Variants in HHLA2 observed in about 807,000 individuals in gnomAD.
HHLA2 encodes HERV-H LTR-associating protein 2.
In HHLA2, 48 loss-of-function variants were observed where a neutral mutation model predicts 45.9. That is an observed-to-expected ratio of 1.05 (90% CI 0.83 to 1.33). The LOEUF is 1.33. Ranked by LOEUF, HHLA2 falls within the 40% of genes most tolerant of loss-of-function variation. The probability of loss-of-function intolerance (pLI) is 0.00; values close to 1 mark genes in which losing one functional copy is unlikely to be tolerated. For synonymous variants in HHLA2, 161 were observed against 173.9 expected, an observed-to-expected ratio of 0.93 and a Z score of 0.59; for missense variants, 462 against 494.3, an observed-to-expected ratio of 0.93 and a Z score of 0.62.
At chr3:108,375,663 G>T in intron 8 of HHLA2, 87 bp from the exon 8 acceptor site, 1 of 1,501,282 alleles carries the variant, frequency 6.7e-7, no homozygotes, top group South Asian at 1.2e-5. Flanking sequence ...TTCAATTGAA[G>T]GACAGAGCCA....
At chr3:108,333,801 G>A (rs1225537054) in intron 3 of HHLA2, among the ~76,000 whole-genome samples, 1 of 152,090 alleles carries the variant, frequency 6.6e-6, no homozygotes, top group Non-Finnish European at 1.5e-5. Flanking sequence ...GGCCTGATGA[G>A]TGCAAACCAT....
chr3:108,304,685 C>T (rs540944491), intron 1 of HHLA2, among the ~76,000 whole-genome samples: 1 of 152,314 alleles, frequency 6.6e-6, no homozygotes, highest in South Asian at 2.1e-4. Context: ...CACAAATCTA[C>T]TGTGTCTGAG....
intron 2 of HHLA2, among the ~76,000 whole-genome samples, chr3:108,312,459 C>T (rs993468035): frequency 6.6e-6 from 1 of 152,204 alleles, no homozygotes; most frequent in Non-Finnish European, 1.5e-5. Context: ...GGCAGGTGCA[C>T]CCAAACTCCA....
chr3:108,366,904 A>C (rs970396683), intron 8 of HHLA2, among the ~76,000 whole-genome samples: 1 of 151,766 alleles, frequency 6.6e-6, no homozygotes, highest in African/African-American at 2.4e-5. Flanking sequence ...TATTTTGTTA[A>C]TCTTTTCAAA....
chr3:108,308,041 T>A (rs1006479503), intron 1 of HHLA2, among the ~76,000 whole-genome samples: 25 of 152,210 alleles, frequency 1.6e-4, no homozygotes, highest in Admixed American at 5.2e-4. Flanking sequence ...AAAATTATTT[T>A]AAAATGTGCA....
intron 6 of HHLA2, among the ~76,000 whole-genome samples, chr3:108,357,005 A>C (rs182174819): frequency 6.6e-6 from 1 of 152,250 alleles, no homozygotes; most frequent in African/African-American, 2.4e-5. Flanking sequence ...CAATGGATCA[A>C]GAGATGAACC....
At position 108,362,325 on chromosome 3, in the gene HHLA2, C is replaced by CT; in HGVS notation, c.1004-16dup. 1 of 1,567,096 alleles carries CT rather than the reference C, an allele frequency of 6.4e-7. No individual in the cohort carries two copies. Among genetic ancestry groups the CT allele is most frequent in the Non-Finnish European group, 8.7e-7 (1 of 1,144,506 alleles). The stretch of plus-strand genomic sequence containing the variant: ...TTCTTCCAGTTCACAGACTTTGTTT[C>CT]TCCTTTTTTTTTTTAGAACCGAGCC... On this transcript the variant is annotated splice_polypyrimidine_tract_variant and intron_variant, in intron 7 of 10. Coordinates refer to ENST00000619531, the Ensembl canonical transcript of HHLA2.
At chr3:108,340,947 CCTTT>C (rs71629349) in intron 3 of HHLA2, among the ~76,000 whole-genome samples, 4,621 of 104,946 alleles carry the variant, frequency 0.044, 108 homozygotes, top group East Asian at 0.092. Flanking sequence ...TTCCTTCCTT[CCTTT>C]CTTTCTTTCT....
intron 8 of HHLA2, among the ~76,000 whole-genome samples, chr3:108,370,671 A>G (rs140185570): frequency 0.022 from 3,380 of 152,322 alleles, 72 homozygotes; most frequent in Non-Finnish European, 0.034. Flanking sequence ...CGAGAACTAC[A>G]TGACGAATTC....
At chr3:108,369,385 G>C (rs1369224351) in intron 8 of HHLA2, among the ~76,000 whole-genome samples, 4 of 152,180 alleles carry the variant, frequency 2.6e-5, no homozygotes, top group Non-Finnish European at 2.9e-5. Flanking sequence ...CCCAGCGTGA[G>C]CGACGCAGAA....
At chr3:108,347,674 G>A (rs1356717979) in intron 3 of HHLA2, among the ~76,000 whole-genome samples, 41 of 152,218 alleles carry the variant, frequency 2.7e-4, no homozygotes, top group Admixed American at 2.6e-3. Flanking sequence ...CCAGCCGAAT[G>A]CGTATTTGTA....
intron 2 of HHLA2, among the ~76,000 whole-genome samples, chr3:108,320,667 G>A (rs886912761): frequency 1.4e-4 from 21 of 152,010 alleles, no homozygotes; most frequent in African/African-American, 4.3e-4. Context: ...AAATGTGGGC[G>A]GCAAATACAA....
intron 6 of HHLA2, 73 bp from the exon 6 acceptor site, chr3:108,357,767 GCTTT>G (rs2081920139): frequency 2.5e-6 from 3 of 1,213,496 alleles, no homozygotes; most frequent in African/African-American, 1.5e-5. Context: ...TTTGTTCTCT[GCTTT>G]CTAAGTGTAA....
chr3:108,342,539 A>C (rs1328104431), intron 3 of HHLA2, among the ~76,000 whole-genome samples: 9 of 152,090 alleles, frequency 5.9e-5, no homozygotes, highest in Non-Finnish European at 1.0e-4. Context: ...TGCTGGGATT[A>C]CAGGCATGAG....
intron 4 of HHLA2, among the ~76,000 whole-genome samples, chr3:108,353,133 T>C (rs879329555): frequency 1.3e-5 from 2 of 152,162 alleles, no homozygotes; most frequent in Admixed American, 6.5e-5. Context: ...CAGGCCAGGA[T>C]TGGAAGAGAG....
intron 1 of HHLA2, among the ~76,000 whole-genome samples, chr3:108,304,305 T>C (rs2080893663): frequency 6.6e-6 from 1 of 152,198 alleles, no homozygotes; most frequent in Non-Finnish European, 1.5e-5. Flanking sequence ...AAGAAAAACA[T>C]ATCCTCTCAG....
At chr3:108,302,302 A>C (rs1288787305) in intron 1 of HHLA2, among the ~76,000 whole-genome samples, 1 of 152,198 alleles carries the variant, frequency 6.6e-6, no homozygotes, top group East Asian at 1.9e-4. Context: ...AACCATGATT[A>C]CTGGAAACTG....
At chr3:108,377,776 CA>C in exon 11 of HHLA2, 1 of 153,258 alleles carries the variant, frequency 6.5e-6, no homozygotes, top group South Asian at 2.1e-4. Context: ...ACGGTTGTAT[CA>C]GGGTAACCAA....
At chr3:108,373,044 CA>C (rs2082208153) in intron 8 of HHLA2, among the ~76,000 whole-genome samples, 2 of 152,228 alleles carry the variant, frequency 1.3e-5, no homozygotes, top group South Asian at 4.2e-4. Flanking sequence ...AATTTTAGAC[CA>C]ATATCCTTGA....
Sources: allele counts gnomAD v4.1 joint callset (sites outside exome capture counted in the v4.1 genomes callset), GRCh38; gene constraint gnomAD v4.1.1; transcripts MANE v1.5; gene names NCBI Gene and HGNC (gene_info 2026-07-23, HGNC 2026-07-21).